The following NEGR1 variants were observed in gnomAD, a reference collection of about 807,000 sequenced individuals.
NEGR1 encodes the protein IgLON family member 4.
A neutral mutation model predicts 40.9 loss-of-function variants in NEGR1; 10 were observed. The observed-to-expected ratio is 0.24, with a 90% CI of 0.15 to 0.42. The LOEUF (loss-of-function observed/expected upper bound fraction) is 0.42. NEGR1 is among the 10% of genes least tolerant of loss of function. The pLI is 1.00. For synonymous variants in NEGR1, 185 were observed against 166.8 expected, an observed-to-expected ratio of 1.11 and a Z score of -0.84; for missense variants, 352 against 438.9, an observed-to-expected ratio of 0.80 and a Z score of 1.77.
intron 4 of NEGR1, among the ~76,000 whole-genome samples, chr1:71,682,419 T>A (rs1251568853): frequency 1.3e-5 from 2 of 152,218 alleles, no homozygotes; most frequent in Non-Finnish European, 2.9e-5. Context: ...ATTATTCATG[T>A]CTAAGTGTTT....
intron 4 of NEGR1, among the ~76,000 whole-genome samples, chr1:71,657,082 G>A (rs1272368911): frequency 6.6e-6 from 1 of 152,182 alleles, no homozygotes; most frequent in Non-Finnish European, 1.5e-5. Flanking sequence ...ACTGTAGTTT[G>A]ATAAAGGAAA....
chr1:71,811,519 A>T (rs1657999024), intron 2 of NEGR1, among the ~76,000 whole-genome samples: 1 of 151,770 alleles, frequency 6.6e-6, no homozygotes, highest in South Asian at 2.1e-4. Context: ...CATTTTCTTC[A>T]TAGTACTTAT....
intron 1 of NEGR1, among the ~76,000 whole-genome samples, chr1:72,012,116 T>A (rs1486614092): frequency 6.6e-6 from 1 of 151,964 alleles, no homozygotes; most frequent in Non-Finnish European, 1.5e-5. Context: ...ATTGATATAT[T>A]ATATTAGTAT....
intron 1 of NEGR1, among the ~76,000 whole-genome samples, chr1:72,096,094 T>C (rs932900692): frequency 2.0e-5 from 3 of 152,136 alleles, no homozygotes; most frequent in African/African-American, 7.2e-5. Flanking sequence ...GTGGACACAT[T>C]TTTTTATACT....
At chr1:71,421,053 A>G (rs756429866) in intron 6 of NEGR1, among the ~76,000 whole-genome samples, 4 of 152,040 alleles carry the variant, frequency 2.6e-5, no homozygotes, top group Admixed American at 1.3e-4. Flanking sequence ...CTTTCTTCAC[A>G]TCTTTCATAA....
At chr1:72,117,214 C>T (rs775611872) in intron 1 of NEGR1, among the ~76,000 whole-genome samples, 18 of 151,702 alleles carry the variant, frequency 1.2e-4, no homozygotes, top group Admixed American at 2.0e-4. Context: ...TGCACACTCC[C>T]GCAATATATT....
intron 1 of NEGR1, among the ~76,000 whole-genome samples, chr1:72,120,368 T>C (rs1430845525): frequency 6.6e-6 from 1 of 151,916 alleles, no homozygotes; most frequent in East Asian, 1.9e-4. Flanking sequence ...TATTGAAGAG[T>C]ATAGCTAAAA....
chr1:71,784,165 G>A (rs1443080527), intron 2 of NEGR1, among the ~76,000 whole-genome samples: 2 of 152,058 alleles, frequency 1.3e-5, no homozygotes, highest in Admixed American at 6.6e-5. Context: ...AGGGATAACC[G>A]GATGAGTTTT....
At chr1:71,964,906 C>G (rs778119155) in intron 1 of NEGR1, among the ~76,000 whole-genome samples, 7 of 151,760 alleles carry the variant, frequency 4.6e-5, no homozygotes, top group Admixed American at 1.3e-4. Context: ...TGAGGAAACA[C>G]TGGGTACAGG....
At chr1:72,221,931 G>A (rs748769757) in intron 1 of NEGR1, among the ~76,000 whole-genome samples, 12 of 152,076 alleles carry the variant, frequency 7.9e-5, no homozygotes, top group Non-Finnish European at 1.2e-4. Flanking sequence ...AAGACCCACA[G>A]ATATATGTTC....
At chr1:72,194,748 A>G (rs1452651273) in intron 1 of NEGR1, among the ~76,000 whole-genome samples, 1 of 152,088 alleles carries the variant, frequency 6.6e-6, no homozygotes, top group African/African-American at 2.4e-5. Flanking sequence ...CTATTCATCT[A>G]AAGATTCTTA....
At chr1:71,683,024 T>G (rs945604986) in intron 4 of NEGR1, among the ~76,000 whole-genome samples, 2 of 152,064 alleles carry the variant, frequency 1.3e-5, no homozygotes, top group East Asian at 3.9e-4. Flanking sequence ...TTTTTTTCTT[T>G]CTTTATAAAT....
intron 3 of NEGR1, among the ~76,000 whole-genome samples, chr1:71,753,963 C>T (rs558030250): frequency 2.6e-5 from 4 of 151,062 alleles, no homozygotes; most frequent in Admixed American, 1.3e-4. Flanking sequence ...AGGTGACAGT[C>T]CCAGTCAGCA....
intron 2 of NEGR1, among the ~76,000 whole-genome samples, chr1:71,848,051 G>A (rs903728305): frequency 2.6e-5 from 4 of 152,140 alleles, no homozygotes; most frequent in Non-Finnish European, 4.4e-5. Flanking sequence ...AGCCACAACA[G>A]TCCCTTAAGC....
intron 2 of NEGR1, among the ~76,000 whole-genome samples, chr1:71,931,517 GT>G (rs1645855412): frequency 6.6e-6 from 1 of 152,062 alleles, no homozygotes; most frequent in Admixed American, 6.6e-5. Flanking sequence ...TTCCAAGAGC[GT>G]TTGTGCTGCA....
chr1:71,556,105 C>G (rs1483899140), intron 6 of NEGR1, among the ~76,000 whole-genome samples: 2 of 151,250 alleles, frequency 1.3e-5, no homozygotes, highest in East Asian at 1.9e-4. Context: ...ATGTCATTTA[C>G]TAGACCTCTT....
chr1:71,684,750 C>G (rs920859539), intron 4 of NEGR1, among the ~76,000 whole-genome samples: 1 of 152,190 alleles, frequency 6.6e-6, no homozygotes, highest in Admixed American at 6.5e-5. Context: ...CCATCCTTCT[C>G]AGGAGGTACC....
intron 2 of NEGR1, among the ~76,000 whole-genome samples, chr1:71,827,848 T>TA (rs1391899201): frequency 1.3e-5 from 2 of 150,354 alleles, no homozygotes; most frequent in East Asian, 3.9e-4. Context: ...TTGACCCAGA[T>TA]AAAAAATACA....
chr1:72,232,567 G>T (rs938208646), intron 1 of NEGR1, among the ~76,000 whole-genome samples: 1 of 151,980 alleles, frequency 6.6e-6, no homozygotes, highest in African/African-American at 2.4e-5. Context: ...GATAAACAAT[G>T]CTAAAAAAAC....
Sources: allele counts gnomAD v4.1 joint callset (sites outside exome capture counted in the v4.1 genomes callset), GRCh38; gene constraint gnomAD v4.1.1; transcripts MANE v1.5; gene names NCBI Gene and HGNC (gene_info 2026-07-23, HGNC 2026-07-21).